COL13A1: variants seen among roughly 807,000 people sequenced by gnomAD.
COL13A1 encodes the protein collagen type XIII alpha 1 chain, also known as collagen alpha-1(XIII) chain.
COL13A1 carries 89 observed loss-of-function variants against 130.9 expected under a neutral mutation model. That is an observed-to-expected ratio of 0.68 (90% CI 0.57 to 0.81). The LOEUF (loss-of-function observed/expected upper bound fraction) is 0.81. Ranked by LOEUF, COL13A1 falls within the 30% of genes least tolerant of loss-of-function variation. The pLI is 0.00. For synonymous variants in COL13A1, 402 were observed against 341.6 expected (o/e 1.18, Z -1.95); for missense variants, 879 against 934.6 (o/e 0.94, Z 0.78).
At chr10:69,818,587 C>T (rs1396609588) in intron 1 of COL13A1, among the ~76,000 whole-genome samples, 12 of 152,190 alleles carry the variant, frequency 7.9e-5, no homozygotes, top group Admixed American at 7.2e-4. Context: ...AAGAAAGAGG[C>T]CCAGGAAAGC....
intron 1 of COL13A1, among the ~76,000 whole-genome samples, chr10:69,821,904 C>A (rs1245509077): frequency 6.6e-6 from 1 of 152,124 alleles, no homozygotes; most frequent in Admixed American, 6.5e-5. Context: ...TGCAGAGAGC[C>A]TTGCCATCCC....
chr10:69,884,704 T>A (rs957048830), intron 7 of COL13A1, among the ~76,000 whole-genome samples: 3 of 152,234 alleles, frequency 2.0e-5, no homozygotes, highest in African/African-American at 7.2e-5. Flanking sequence ...TGAATTAATG[T>A]ACAAATACAT....
chr10:69,808,294 C>G (rs1271154021), intron 1 of COL13A1, among the ~76,000 whole-genome samples: 3 of 152,222 alleles, frequency 2.0e-5, no homozygotes, highest in African/African-American at 7.2e-5. Context: ...TTCTTAATCA[C>G]TCTAGACTTG....
rs1564906279 is a variant in COL13A1 at position 69,872,170 on chromosome 10, A to T, written c.373-14A>T. The T allele has an allele frequency of 1.2e-6, 2 of 1,613,942 alleles. No individual in the cohort carries two copies. Among genetic ancestry groups the T allele is most frequent in the Non-Finnish European group, 1.7e-6 (2 of 1,179,872 alleles). On this transcript the variant is annotated splice_polypyrimidine_tract_variant and intron_variant, in intron 3 of 40. Transcript: ENST00000645393. ...TACCTGCCTGACCTACGTAAACGTC[A>T]CTCTTCATTTCAGGGTCCCACTGGA...
chr10:69,865,826 TG>T (rs1378217212), intron 2 of COL13A1, among the ~76,000 whole-genome samples: 13 of 151,518 alleles, frequency 8.6e-5, no homozygotes, highest in Admixed American at 8.5e-4. Context: ...AATTGCAGGG[TG>T]GGGGGTAGGT....
At position 69,851,852 on chromosome 10, in the gene COL13A1, G is replaced by A. The variant is rs376188407; in HGVS notation, c.365-15946G>A. 1.4e-3 allele frequency among the ~76,000 whole-genome samples: 211 copies of A among 152,172 alleles called. 2 individuals carry two copies. The highest frequency in any genetic ancestry group is 4.9e-3 in the African/African-American group (202 of 41,532). ...GTATTTTTAGTAGAGGTGGGGTTTTGCCACGTTGGCCAGGCTGGTCTAGAA... is the reference window on the plus strand; with the variant it reads ...GTATTTTTAGTAGAGGTGGGGTTTTACCACGTTGGCCAGGCTGGTCTAGAA... On this transcript the variant is annotated intron_variant, in intron 2 of 40. Coordinates refer to ENST00000645393, the MANE Select transcript of COL13A1 (RefSeq NM_001368882.1).
At chr10:69,820,918 G>T in intron 1 of COL13A1, among the ~76,000 whole-genome samples, 1 of 152,150 alleles carries the variant, frequency 6.6e-6, no homozygotes, top group East Asian at 1.9e-4. Flanking sequence ...GAATCCTTGT[G>T]AAGCTTTCTG....
chr10:69,878,066 G>T lies in COL13A1; in HGVS notation c.462+1G>T, dbSNP rs778599406. The T allele has an allele frequency of 1.5e-4, 105 of 702,956 alleles. No homozygotes were observed. Among genetic ancestry groups the T allele is most frequent in the Middle Eastern group, 4.6e-4 (2 of 4,370 alleles). The allele number at this position is 702,956 out of a possible 1,614,324, so 43.5% of individuals were successfully genotyped here. ...AGTAAAGGGCCAACCAGGCGAGAAG[G>T]TGAGTCCACACTTTCCCCTTCTGCC... On this transcript the variant is annotated splice_donor_variant, in intron 6 of 40. Transcript: ENST00000645393. LOFTEE classifies it high-confidence loss of function.
chr10:69,810,201 G>C (rs1278397871), intron 1 of COL13A1, among the ~76,000 whole-genome samples: 1 of 152,144 alleles, frequency 6.6e-6, no homozygotes, highest in African/African-American at 2.4e-5. Context: ...GGTTGCATTA[G>C]AATCGCCTGG....
intron 2 of COL13A1, among the ~76,000 whole-genome samples, chr10:69,834,787 G>GGA (rs1849622767): frequency 6.6e-6 from 1 of 152,152 alleles, no homozygotes. Context: ...CTGGAGGTTG[G>GGA]GAGGTGGGGG....
chr10:69,927,156 G>A (rs776252965), intron 27 of COL13A1, 46 bp downstream of exon 27: 9 of 1,590,614 alleles, frequency 5.7e-6, no homozygotes, highest in African/African-American at 1.4e-5. Flanking sequence ...GGACGGGGGG[G>A]CTGGGGATGG....
At position 69,915,399 on chromosome 10, in the gene COL13A1, G is replaced by A. The variant is rs114264066; in HGVS notation, c.922-1890G>A. Among the ~76,000 whole-genome samples the A allele has an allele frequency of 6.7e-3, 1,023 of 152,316 alleles. 11 individuals are homozygous for A. The highest frequency in any genetic ancestry group is 0.023 in the African/African-American group (959 of 41,572). On this transcript the variant is annotated intron_variant, in intron 17 of 40. Transcript: ENST00000645393. ...TCCCACCTATGGTTCAGGGGTCACTGGTGGGGTCATGCTGAGAGAGGGCTC... is the reference window on the plus strand; with the variant it reads ...TCCCACCTATGGTTCAGGGGTCACTAGTGGGGTCATGCTGAGAGAGGGCTC...
intron 7 of COL13A1, among the ~76,000 whole-genome samples, chr10:69,883,734 G>A (rs2060352563): frequency 1.3e-5 from 2 of 152,204 alleles, no homozygotes; most frequent in African/African-American, 4.8e-5. Flanking sequence ...TATGGTCAGG[G>A]GTTGGGCTTT....
chr10:69,844,158 AG>A (rs1427460116), intron 2 of COL13A1, among the ~76,000 whole-genome samples: 1 of 152,192 alleles, frequency 6.6e-6, no homozygotes, highest in Non-Finnish European at 1.5e-5. Context: ...AGAGGGCAGG[AG>A]GACATTCCAA....
chr10:69,944,331 A>G (rs2068115348), intron 36 of COL13A1, among the ~76,000 whole-genome samples, 153 bp downstream of exon 36: 1 of 152,130 alleles, frequency 6.6e-6, no homozygotes, highest in Non-Finnish European at 1.5e-5. Flanking sequence ...CTGGTTGTGT[A>G]GCTATGAGTT....
intron 1 of COL13A1, among the ~76,000 whole-genome samples, chr10:69,814,725 T>C (rs1259093769): frequency 6.6e-6 from 1 of 152,192 alleles, no homozygotes; most frequent in Admixed American, 6.5e-5. Context: ...CTCCCAAGTG[T>C]AGTCAAGCTG....
intron 17 of COL13A1, among the ~76,000 whole-genome samples, chr10:69,909,186 C>A (rs1413571363): frequency 6.6e-6 from 1 of 152,182 alleles, no homozygotes; most frequent in Non-Finnish European, 1.5e-5. Flanking sequence ...TCGTCCATGT[C>A]TTTTCTCCAT....
At chr10:69,855,778 G>GGGAGGGATGCAAGA (rs1554900907) in intron 2 of COL13A1, among the ~76,000 whole-genome samples, 11 of 148,406 alleles carry the variant, frequency 7.4e-5, no homozygotes, top group East Asian at 6.1e-4. Context: ...CAGTAGAAGG[G>GGGAGGGATGCAAGA]GGGAGGGATG....
chr10:69,913,934 G>C (rs1381260899), intron 17 of COL13A1, among the ~76,000 whole-genome samples: 1 of 152,060 alleles, frequency 6.6e-6, no homozygotes, highest in Admixed American at 6.5e-5. Context: ...TAAGAGAATT[G>C]ACCCAGAGAG....
Sources: gnomAD v4.1 joint callset for allele counts (sites outside exome capture counted in the v4.1 genomes callset) on GRCh38, gnomAD v4.1.1 for gene constraint, MANE v1.5 for transcripts, NCBI Gene and HGNC (gene_info 2026-07-23, HGNC 2026-07-21) for gene names.